PRDM11: variants seen among roughly 807,000 people sequenced by gnomAD.
PRDM11 encodes the protein PR domain-containing protein 11.
Under a neutral mutation model 97.8 loss-of-function variants are expected in PRDM11, and 20 were observed. That is an observed-to-expected ratio of 0.20 (90% confidence interval 0.14 to 0.30). The LOEUF (loss-of-function observed/expected upper bound fraction) is 0.30. Among genes scored for constraint, PRDM11 ranks in the 10% least tolerant of loss-of-function variants. The pLI, the probability that PRDM11 is intolerant of heterozygous loss-of-function variation, is 1.00. For missense variants in PRDM11, 1,139 were observed against 1,555.2 expected, an observed-to-expected ratio of 0.73 and a Z score of 4.50; for synonymous variants, 599 against 637.7, an observed-to-expected ratio of 0.94 and a Z score of 0.91.
chr11:45,183,349 G>T (rs909951115), intron 4 of PRDM11, among the ~76,000 whole-genome samples: 6 of 152,170 alleles, frequency 3.9e-5, no homozygotes, highest in African/African-American at 2.4e-5. Context: ...CAGCAGATCA[G>T]GAAATCACCA....
At position 45,193,329 on chromosome 11, in the gene PRDM11, T is replaced by G. The variant is rs566552003; in HGVS notation, c.486+10206T>G. On this transcript the variant is annotated intron_variant, in intron 4 of 7. Transcript: ENST00000683152. ...ACATATTAAGTTTATATCTGTTCTTTTTTTGTTGGCTCATAGCAAGTAGTC... is the reference window on the plus strand; with the variant it reads ...ACATATTAAGTTTATATCTGTTCTTGTTTTGTTGGCTCATAGCAAGTAGTC... Among the ~76,000 whole-genome samples the G allele has an allele frequency of 9.8e-5, 15 of 152,350 alleles. No homozygotes were observed. The South Asian group carries it at 2.9e-3, about 29-fold the overall frequency.
At chr11:45,174,396 G>T (rs1477997303) in intron 1 of PRDM11, among the ~76,000 whole-genome samples, 1 of 152,184 alleles carries the variant, frequency 6.6e-6, no homozygotes, top group African/African-American at 2.4e-5. Context: ...TGTATACAAA[G>T]AACTAGGAAG....
chr11:45,134,218 G>A (rs774118304), intron 1 of PRDM11, among the ~76,000 whole-genome samples: 1 of 152,044 alleles, frequency 6.6e-6, no homozygotes, highest in South Asian at 2.1e-4. Context: ...CTGAATACTC[G>A]GACCAAATAG....
chr11:45,216,564 C>T (rs1853962989), intron 5 of PRDM11, among the ~76,000 whole-genome samples: 1 of 152,132 alleles, frequency 6.6e-6, no homozygotes, highest in Non-Finnish European at 1.5e-5. Flanking sequence ...ACCTAGCTGG[C>T]TTCATTTAGC....
intron 1 of PRDM11, among the ~76,000 whole-genome samples, chr11:45,131,967 G>T (rs1017899928): frequency 6.6e-6 from 1 of 152,250 alleles, no homozygotes; most frequent in Non-Finnish European, 1.5e-5. Flanking sequence ...GGCTGCAGCA[G>T]TTCCCTGAAT....
intron 1 of PRDM11, among the ~76,000 whole-genome samples, chr11:45,139,792 C>A (rs1852960344): frequency 6.6e-6 from 1 of 152,130 alleles, no homozygotes; most frequent in Non-Finnish European, 1.5e-5. Flanking sequence ...TTGGGATACT[C>A]TGAGCTTCAC....
upstream of PRDM11, among the ~76,000 whole-genome samples, chr11:45,146,442 C>A (rs185818306): frequency 6.6e-6 from 1 of 152,220 alleles, no homozygotes; most frequent in East Asian, 1.9e-4. Flanking sequence ...GATTTCTCCA[C>A]GGGCTGGATT....
chr11:45,151,820 A>G (rs546195329), intron 1 of PRDM11, among the ~76,000 whole-genome samples: 8 of 152,314 alleles, frequency 5.3e-5, no homozygotes, highest in South Asian at 4.1e-4. Context: ...GTCCAGAAGC[A>G]TGGATGCATG....
intron 5 of PRDM11, chr11:45,216,291 G>T (rs1398922280): frequency 6.6e-6 from 1 of 150,950 alleles, no homozygotes; most frequent in Non-Finnish European, 1.5e-5. Context: ...CTCTCAAGAG[G>T]TAGTGACCTG....
chr11:45,213,527 G>T (rs1377865118), intron 5 of PRDM11: 2 of 456,464 alleles, frequency 4.4e-6, no homozygotes, highest in East Asian at 7.0e-5. Flanking sequence ...CCCGGGGGTG[G>T]TGCCCGCCTT....
chr11:45,146,515 G>A (rs1314992853), upstream of PRDM11, among the ~76,000 whole-genome samples: 1 of 152,026 alleles, frequency 6.6e-6, no homozygotes. Context: ...GCAGGGCGCG[G>A]GCCTAAGGGG....
chr11:45,106,568 C>T (rs182995985), intron 1 of PRDM11, among the ~76,000 whole-genome samples: 8 of 152,286 alleles, frequency 5.3e-5, no homozygotes, highest in Non-Finnish European at 1.5e-5. Context: ...AGACAGTTTA[C>T]CTCTGCCCAT....
rs1854345417 is a variant in PRDM11, at chr11:45,229,060, A to C, written c.*901A>C. On this transcript the variant is annotated 3_prime_UTR_variant, in exon 8 of 8. Transcript: ENST00000683152. Reference sequence around the variant, plus strand: ...ATTCCAATCCAGGGCTTTTGGGGAGATGAAGAGCCAAGAAGTCCAGACCCC... The same window carrying C: ...ATTCCAATCCAGGGCTTTTGGGGAGCTGAAGAGCCAAGAAGTCCAGACCCC... The C allele has an allele frequency of 6.6e-6, 1 of 152,162 alleles. No individual in the cohort carries two copies. Among genetic ancestry groups the C allele is most frequent in the South Asian group, 2.1e-4 (1 of 4,830 alleles). 9.4% of individuals were successfully genotyped at this position (152,162 alleles called of 1,614,324 possible).
chr11:45,135,585 C>T (rs1480355385), intron 1 of PRDM11, among the ~76,000 whole-genome samples: 1 of 152,118 alleles, frequency 6.6e-6, no homozygotes, highest in African/African-American at 2.4e-5. Flanking sequence ...AAAACTATCA[C>T]GTACCTAGAA....
chr11:45,113,314 T>C (rs189798366), intron 1 of PRDM11, among the ~76,000 whole-genome samples: 1 of 152,340 alleles, frequency 6.6e-6, no homozygotes, highest in East Asian at 1.9e-4. Flanking sequence ...GGTCTACATG[T>C]GTGTTTTTAT....
intron 1 of PRDM11, 68 bp from the exon 2 acceptor site, chr11:45,181,693 G>C: frequency 1.4e-6 from 2 of 1,380,378 alleles, no homozygotes; most frequent in South Asian, 1.3e-5. Context: ...TGCCCTCTCC[G>C]CCGCTCACTC....
At chr11:45,138,920 A>G (rs770478986) in intron 1 of PRDM11, among the ~76,000 whole-genome samples, 13 of 152,268 alleles carry the variant, frequency 8.5e-5, no homozygotes, top group Non-Finnish European at 1.6e-4. Flanking sequence ...AGAAAACTGC[A>G]TTACATATTT....
At chr11:45,169,825 C>T (rs571060450) in intron 1 of PRDM11, among the ~76,000 whole-genome samples, 6 of 152,332 alleles carry the variant, frequency 3.9e-5, no homozygotes, top group East Asian at 1.9e-4. Context: ...TCTCCCATGA[C>T]GTGTTCTCTT....
intron 1 of PRDM11, among the ~76,000 whole-genome samples, chr11:45,179,772 G>A (rs1399165367): frequency 6.6e-6 from 1 of 152,188 alleles, no homozygotes; most frequent in Non-Finnish European, 1.5e-5. Flanking sequence ...AAGGGGAGTG[G>A]GGTCCATAAC....
Sources: allele counts gnomAD v4.1 joint callset (sites outside exome capture counted in the v4.1 genomes callset), GRCh38; gene constraint gnomAD v4.1.1; transcripts MANE v1.5; gene names NCBI Gene and HGNC (gene_info 2026-07-23, HGNC 2026-07-21).